Variants in UBXN8 observed in about 807,000 individuals in gnomAD.
The protein encoded by UBXN8 is UBX domain-containing protein 8.
In UBXN8, 27 loss-of-function variants were observed where a neutral mutation model predicts 32.1. The ratio of observed to expected loss-of-function variants is 0.84; its 90% CI spans 0.62 to 1.16. The LOEUF (loss-of-function observed/expected upper bound fraction) is 1.16. UBXN8 is among the 50% of genes most tolerant of loss of function. The probability of loss-of-function intolerance (pLI) is 0.00; values close to 1 mark genes in which losing one functional copy is unlikely to be tolerated. For synonymous variants in UBXN8, 109 were observed against 111.8 expected (o/e 0.98, Z 0.16); for missense variants, 306 against 311.4 (o/e 0.98, Z 0.13).
chr8:30,730,780 C>T (rs1470962987), upstream of UBXN8, among the ~76,000 whole-genome samples: 1 of 152,202 alleles, frequency 6.6e-6, no homozygotes, highest in South Asian at 2.1e-4. Flanking sequence ...TGAAAATCAA[C>T]GCATGATTAA....
At chr8:30,744,623 G>C (rs1319983926) in intron 1 of UBXN8, among the ~76,000 whole-genome samples, 1 of 152,262 alleles carries the variant, frequency 6.6e-6, no homozygotes, top group African/African-American at 2.4e-5. Flanking sequence ...TGTTTTTAGA[G>C]ACAGGGTCTC....
chr8:30,729,320 C>T (rs1804895677), upstream of UBXN8, among the ~76,000 whole-genome samples: 1 of 152,246 alleles, frequency 6.6e-6, no homozygotes, highest in Non-Finnish European at 1.5e-5. Flanking sequence ...GGAACAGGCA[C>T]TTGGAGTCCG....
intron 1 of UBXN8, among the ~76,000 whole-genome samples, chr8:30,746,029 G>C (rs973763918): frequency 6.6e-6 from 1 of 152,218 alleles, no homozygotes; most frequent in Non-Finnish European, 1.5e-5. Flanking sequence ...GGGATTATAG[G>C]TGTGAGCCAC....
At chr8:30,740,411 G>A (rs1805172017), upstream of UBXN8, among the ~76,000 whole-genome samples, 1 of 700 alleles carries the variant, frequency 1.4e-3, no homozygotes, top group African/African-American at 7.7e-3. Flanking sequence ...CAATTAAGGA[G>A]CAGAAAACAG....
intron 1 of UBXN8, among the ~76,000 whole-genome samples, chr8:30,738,037 T>C (rs1386362107): frequency 6.6e-6 from 1 of 151,362 alleles, no homozygotes; most frequent in Non-Finnish European, 1.5e-5. Flanking sequence ...GGTGGGCAGA[T>C]TGCTTAAGCT....
upstream of UBXN8, among the ~76,000 whole-genome samples, chr8:30,739,421 G>A (rs1371463221): frequency 2.0e-5 from 3 of 152,118 alleles, no homozygotes; most frequent in Non-Finnish European, 4.4e-5. Flanking sequence ...GCGGGCGCCT[G>A]TAGTCCCAGC....
chr8:30,751,557 A>G (rs1563561185), intron 2 of UBXN8, 39 bp downstream of exon 2: 3 of 1,511,446 alleles, frequency 2.0e-6, no homozygotes, highest in East Asian at 2.3e-5. Flanking sequence ...ATACCATTCT[A>G]CTCAAATTTA....
chr8:30,733,881 G>A (rs1350866407), intron 1 of UBXN8: 2 of 152,212 alleles, frequency 1.3e-5, no homozygotes, highest in Non-Finnish European at 2.9e-5. Context: ...TGGAATAGTG[G>A]ATTAATTCGG....
chr8:30,732,015 C>T (rs1048899087), upstream of UBXN8, among the ~76,000 whole-genome samples: 1 of 152,066 alleles, frequency 6.6e-6, no homozygotes. Flanking sequence ...GCTGGTTCAC[C>T]TGCTTGGACC....
intron 1 of UBXN8, among the ~76,000 whole-genome samples, chr8:30,751,159 T>C (rs900178830): frequency 6.6e-6 from 1 of 152,236 alleles, no homozygotes; most frequent in African/African-American, 2.4e-5. Context: ...GTATAACTTC[T>C]ACTATACTTT....
At chr8:30,753,288 G>C (rs1447217336) in intron 3 of UBXN8, among the ~76,000 whole-genome samples, 183 bp downstream of exon 3, 1 of 151,990 alleles carries the variant, frequency 6.6e-6, no homozygotes, top group South Asian at 2.1e-4. Flanking sequence ...ATGGAGTCTC[G>C]CTGTGTCACC....
intron 5 of UBXN8, among the ~76,000 whole-genome samples, chr8:30,759,185 G>A (rs1460471076): frequency 4.0e-5 from 6 of 149,320 alleles, no homozygotes; most frequent in African/African-American, 1.5e-4. Context: ...GAGCCACCAC[G>A]CCCGGCCACA....
intron 6 of UBXN8, among the ~76,000 whole-genome samples, chr8:30,761,869 C>T (rs529065537): frequency 6.6e-6 from 1 of 152,160 alleles, no homozygotes; most frequent in African/African-American, 2.4e-5. Flanking sequence ...CCAACTGTGT[C>T]AAGCTGTCTT....
chr8:30,740,047 G>A (rs936495677), upstream of UBXN8, among the ~76,000 whole-genome samples: 2 of 152,088 alleles, frequency 1.3e-5, no homozygotes, highest in Admixed American at 6.6e-5. Flanking sequence ...GACCACAGGT[G>A]CATGCCACCA....
intron 5 of UBXN8, 45 bp from the exon 6 acceptor site, chr8:30,760,843 C>T: frequency 7.6e-7 from 1 of 1,323,022 alleles, no homozygotes. Flanking sequence ...GACACTTTTG[C>T]TTGTTGAACA....
At chr8:30,758,361 C>G (rs185560928) in intron 5 of UBXN8, among the ~76,000 whole-genome samples, 3 of 152,304 alleles carry the variant, frequency 2.0e-5, no homozygotes, top group Non-Finnish European at 4.4e-5. Context: ...ACTGGCCCTT[C>G]TAGGGAATAG....
upstream of UBXN8, among the ~76,000 whole-genome samples, chr8:30,739,460 C>G (rs1255279084): frequency 6.6e-6 from 1 of 152,134 alleles, no homozygotes; most frequent in Non-Finnish European, 1.5e-5. Flanking sequence ...AGGAGAACGG[C>G]GTGAACCTGG....
At chr8:30,743,479 ATGT>A (rs1447061532), upstream of UBXN8, among the ~76,000 whole-genome samples, 1 of 152,122 alleles carries the variant, frequency 6.6e-6, no homozygotes, top group East Asian at 1.9e-4. Flanking sequence ...CAAGTACGAA[ATGT>A]TGTAGATTGG....
chr8:30,744,615 T>G (rs1196663770), intron 1 of UBXN8, among the ~76,000 whole-genome samples: 1 of 152,238 alleles, frequency 6.6e-6, no homozygotes, highest in Non-Finnish European at 1.5e-5. Context: ...TTTTGTTTTG[T>G]TTTTAGAGAC....
Sources: allele counts gnomAD v4.1 joint callset (sites outside exome capture counted in the v4.1 genomes callset), GRCh38; gene constraint gnomAD v4.1.1; transcripts MANE v1.5; gene names NCBI Gene and HGNC (gene_info 2026-07-23, HGNC 2026-07-21).